The following TMEM232 variants were observed in gnomAD, a reference collection of about 807,000 sequenced individuals.
TMEM232 encodes the protein transmembrane protein 232.
Under a neutral mutation model 78.8 loss-of-function variants are expected in TMEM232, and 80 were observed. The ratio of observed to expected loss-of-function variants is 1.01; its 90% confidence interval spans 0.85 to 1.22. TMEM232 has a LOEUF of 1.22. Among genes scored for constraint, TMEM232 ranks in the 50% most tolerant of loss-of-function variants. The pLI is 0.00. For synonymous variants in TMEM232, 297 were observed against 254.3 expected (o/e 1.17, Z -1.60); for missense variants, 881 against 742.2 (o/e 1.19, Z -2.17).
At chr5:110,565,589 C>T (rs1227982363) in intron 11 of TMEM232, among the ~76,000 whole-genome samples, 2 of 151,976 alleles carry the variant, frequency 1.3e-5, no homozygotes, top group East Asian at 3.9e-4. Context: ...CAAGTCCCAT[C>T]TGAATAAAGA....
intron 11 of TMEM232, among the ~76,000 whole-genome samples, chr5:110,530,751 A>G (rs1192210431): frequency 6.6e-6 from 1 of 152,228 alleles, no homozygotes; most frequent in Non-Finnish European, 1.5e-5. Context: ...GTTGGTCAAA[A>G]GATTTCAGTT....
intron 2 of TMEM232, among the ~76,000 whole-genome samples, chr5:110,648,672 GT>G (rs1313709549): frequency 1.3e-5 from 2 of 151,890 alleles, no homozygotes; most frequent in Non-Finnish European, 2.9e-5. Context: ...ACCGCTTATG[GT>G]AAAACAAACA....
At chr5:110,520,048 T>TAGAGAGAG (rs200426316) in intron 12 of TMEM232, among the ~76,000 whole-genome samples, 12 of 136,932 alleles carry the variant, frequency 8.8e-5, no homozygotes, top group South Asian at 5.0e-4. Flanking sequence ...TATATATATA[T>TAGAGAGAG]ATAGAGAGAG....
chr5:110,485,298 A>C (rs1337309798), intron 12 of TMEM232, among the ~76,000 whole-genome samples: 1 of 152,184 alleles, frequency 6.6e-6, no homozygotes, highest in Non-Finnish European at 1.5e-5. Context: ...CAGAATATAC[A>C]TTCTTCTCAA....
At chr5:110,627,299 T>C (rs915829835) in intron 6 of TMEM232, among the ~76,000 whole-genome samples, 3 of 151,940 alleles carry the variant, frequency 2.0e-5, no homozygotes, top group African/African-American at 4.8e-5. Context: ...TAGATACTAT[T>C]ACAAATAAGA....
intron 1 of TMEM232, among the ~76,000 whole-genome samples, chr5:110,714,036 A>G (rs1796769476): frequency 6.6e-6 from 1 of 152,176 alleles, no homozygotes; most frequent in South Asian, 2.1e-4. Context: ...GGTTGCAGAA[A>G]AACAAATTTT....
intron 12 of TMEM232, among the ~76,000 whole-genome samples, chr5:110,488,464 C>A (rs1764697480): frequency 6.6e-6 from 1 of 151,920 alleles, no homozygotes; most frequent in Admixed American, 6.6e-5. Context: ...TTAAGCAATA[C>A]TTTACTAAAT....
At chr5:110,618,760 A>C (rs1783257957) in intron 7 of TMEM232, among the ~76,000 whole-genome samples, 198 bp from the exon 8 acceptor site, 2 of 152,176 alleles carry the variant, frequency 1.3e-5, no homozygotes, top group African/African-American at 4.8e-5. Context: ...AACCTAATGT[A>C]TGTATTTTTC....
At chr5:110,544,378 T>C (rs1773517273) in intron 11 of TMEM232, among the ~76,000 whole-genome samples, 1 of 145,358 alleles carries the variant, frequency 6.9e-6, no homozygotes. Flanking sequence ...GCTGCATTAA[T>C]GCAGGAAGAA....
intron 12 of TMEM232, among the ~76,000 whole-genome samples, chr5:110,481,097 G>A (rs565911403): frequency 1.3e-5 from 2 of 152,112 alleles, no homozygotes; most frequent in East Asian, 1.9e-4. Context: ...ATCAACTGAA[G>A]TGATGCTAAT....
intron 12 of TMEM232, among the ~76,000 whole-genome samples, chr5:110,508,425 A>G (rs1228296133): frequency 2.6e-5 from 4 of 151,150 alleles, no homozygotes; most frequent in Non-Finnish European, 5.9e-5. Context: ...CATATTATAT[A>G]TATACATACA....
In TMEM232 at chr5:110,597,262, G is replaced by A. The variant is rs868171848; in HGVS notation, c.1276+7847C>T. 1.2e-4 allele frequency among the ~76,000 whole-genome samples: 18 copies of A among 152,186 alleles called. No homozygotes were observed. The South Asian group carries it at 1.9e-3, about 16-fold the overall frequency. On this transcript the variant is annotated intron_variant, in intron 10 of 13. Coordinates refer to ENST00000455884, the MANE Select transcript of TMEM232 (RefSeq NM_001039763.4). ...AAATCATGAGTGAACTCCCATTCACGATTGCTTCAAAGCGAATAAAATACT... is the reference window on the plus strand; with the variant it reads ...AAATCATGAGTGAACTCCCATTCACAATTGCTTCAAAGCGAATAAAATACT...
rs1162383686 is a variant in TMEM232 at position 110,625,578 on chromosome 5, T to G, written c.602-145A>C. ...TTCCTATTTAAGATTTATAATGTTA[T>G]GTATGCCCCCTGGTGGTATAATAGA... On this transcript the variant is annotated intron_variant, in intron 6 of 13. Transcript: ENST00000455884. 3 of 635,930 alleles carry G rather than the reference T, an allele frequency of 4.7e-6. No individual in the cohort carries two copies. The African/African-American group carries it at 5.7e-5, about 12-fold the overall frequency. 39.4% of individuals were successfully genotyped at this position (635,930 alleles called of 1,614,324 possible).
intron 1 of TMEM232, among the ~76,000 whole-genome samples, chr5:110,717,338 A>G (rs961274768): frequency 1.3e-5 from 2 of 152,152 alleles, no homozygotes; most frequent in Middle Eastern, 3.2e-3. Flanking sequence ...GAATGAGTTC[A>G]GTTTTAATGA....
intron 10 of TMEM232, among the ~76,000 whole-genome samples, chr5:110,575,847 A>C (rs1035606808): frequency 5.9e-5 from 9 of 152,034 alleles, no homozygotes; most frequent in South Asian, 2.1e-4. Flanking sequence ...ACAGTCTGAC[A>C]CAGGGTTATG....
At chr5:110,418,414 C>A (rs1272214345), downstream of TMEM232, among the ~76,000 whole-genome samples, 1 of 151,994 alleles carries the variant, frequency 6.6e-6, no homozygotes, top group Non-Finnish European at 1.5e-5. Flanking sequence ...GCTAATATTG[C>A]AAAAAGAATC....
intron 1 of TMEM232, among the ~76,000 whole-genome samples, chr5:110,708,592 A>AAGT (rs72545038): frequency 0.98 from 148,393 of 152,174 alleles, 72,433 homozygotes; most frequent in Non-Finnish European, 1. Context: ...TGAAGTTAAA[A>AAGT]AGAGTTTTTA....
At chr5:110,487,503 A>T (rs919165816) in intron 12 of TMEM232, among the ~76,000 whole-genome samples, 24 of 152,204 alleles carry the variant, frequency 1.6e-4, no homozygotes, top group African/African-American at 5.8e-4. Flanking sequence ...AATTTTGCTG[A>T]GAGTTTTCAT....
intron 12 of TMEM232, among the ~76,000 whole-genome samples, chr5:110,482,600 T>C (rs1763998418): frequency 1.3e-5 from 2 of 149,238 alleles, no homozygotes; most frequent in Non-Finnish European, 3.0e-5. Flanking sequence ...TTTATATATA[T>C]ATATATATTA....
Sources: allele counts gnomAD v4.1 joint callset (sites outside exome capture counted in the v4.1 genomes callset), GRCh38; gene constraint gnomAD v4.1.1; transcripts MANE v1.5; gene names NCBI Gene and HGNC (gene_info 2026-07-23, HGNC 2026-07-21).